Variants in NKAIN1 observed in about 807,000 individuals in gnomAD.
The protein encoded by NKAIN1 is sodium/potassium transporting ATPase interacting 1, also known as sodium/potassium-transporting ATPase subunit beta-1-interacting protein 1.
In NKAIN1, 13 loss-of-function variants were observed where a neutral mutation model predicts 31.6. The observed-to-expected ratio is 0.41, with a 90% CI of 0.27 to 0.65. The LOEUF (loss-of-function observed/expected upper bound fraction) is 0.65, where lower values mean the gene tolerates loss of function less well. NKAIN1 is among the 30% of genes least tolerant of loss of function. NKAIN1 has a pLI of 0.30. For missense variants in NKAIN1, 193 were observed against 262.2 expected (o/e 0.74, Z 1.82); for synonymous variants, 104 against 109.0 (o/e 0.95, Z 0.28).
At chr1:31,200,393 A>T (rs1450909364) in intron 1 of NKAIN1, among the ~76,000 whole-genome samples, 1 of 152,002 alleles carries the variant, frequency 6.6e-6, no homozygotes, top group Non-Finnish European at 1.5e-5. Flanking sequence ...TTTGAATCTT[A>T]ACTATATGCA....
intron 1 of NKAIN1, among the ~76,000 whole-genome samples, chr1:31,203,634 G>A (rs1165197989): frequency 6.7e-6 from 1 of 150,250 alleles, no homozygotes; most frequent in African/African-American, 2.5e-5. Flanking sequence ...ACCCAGGCTG[G>A]AGTGCAGTGG....
intron 1 of NKAIN1, among the ~76,000 whole-genome samples, chr1:31,210,020 G>A (rs2148358776): frequency 6.6e-6 from 1 of 150,878 alleles, no homozygotes; most frequent in Non-Finnish European, 1.5e-5. Context: ...AGAATGAAGA[G>A]GACTCACAAT....
At chr1:31,198,522 C>T (rs1043476430) in intron 1 of NKAIN1, among the ~76,000 whole-genome samples, 3 of 151,918 alleles carry the variant, frequency 2.0e-5, no homozygotes, top group Admixed American at 1.3e-4. Context: ...CCACTCGCCG[C>T]AGCCCATCCT....
intron 3 of NKAIN1, 50 bp from the exon 4 acceptor site, chr1:31,184,064 G>A: frequency 1.3e-6 from 2 of 1,519,634 alleles, no homozygotes; most frequent in Non-Finnish European, 9.0e-7. Flanking sequence ...AGGGAGGGGG[G>A]AGCTACTCCC....
intron 1 of NKAIN1, among the ~76,000 whole-genome samples, chr1:31,198,701 T>A (rs1289824528): frequency 6.6e-6 from 1 of 151,900 alleles, no homozygotes; most frequent in Non-Finnish European, 1.5e-5. Flanking sequence ...CTGCTGCCCT[T>A]CCCCCTGCCC....
chr1:31,232,084 T>C (rs1307969550), intron 1 of NKAIN1, among the ~76,000 whole-genome samples: 1 of 115,318 alleles, frequency 8.7e-6, no homozygotes, highest in East Asian at 2.9e-4. Flanking sequence ...CAGCTAAGTT[T>C]TTACCTTTTT....
At chr1:31,200,553 G>A (rs1266339268) in intron 1 of NKAIN1, among the ~76,000 whole-genome samples, 2 of 151,112 alleles carry the variant, frequency 1.3e-5, no homozygotes, top group African/African-American at 4.9e-5. Flanking sequence ...AGCCTCCTGG[G>A]ATCAAGTGAT....
At chr1:31,217,353 C>A (rs979971074) in intron 1 of NKAIN1, among the ~76,000 whole-genome samples, 1 of 151,764 alleles carries the variant, frequency 6.6e-6, no homozygotes, top group African/African-American at 2.4e-5. Context: ...TTTGTAGAGA[C>A]GGGGGTCTCA....
In NKAIN1 at chr1:31,202,243, A is replaced by T. The variant is rs113992914; in HGVS notation, c.55-14056T>A. ...TGCAAGCCCCTTCTGGGCAGATCCAACCCACTGCACCTCTGAGCTGGCAAC... is the reference window on the plus strand; with the variant it reads ...TGCAAGCCCCTTCTGGGCAGATCCATCCCACTGCACCTCTGAGCTGGCAAC... On this transcript the variant is annotated intron_variant, in intron 1 of 6. Coordinates refer to ENST00000373736, the MANE Select transcript of NKAIN1 (RefSeq NM_024522.3). 3.3e-5 allele frequency among the ~76,000 whole-genome samples: 5 copies of T among 152,192 alleles called. No homozygotes were observed. The South Asian group carries it at 1.0e-3, about 32-fold the overall frequency.
chr1:31,195,181 G>A (rs1430883023), intron 1 of NKAIN1, among the ~76,000 whole-genome samples: 97 of 143,572 alleles, frequency 6.8e-4, no homozygotes, highest in African/African-American at 2.3e-3. Context: ...GCAGTGGTGC[G>A]ATCTAGGCCC....
At chr1:31,203,893 A>G (rs1467995882) in intron 1 of NKAIN1, among the ~76,000 whole-genome samples, 3 of 152,090 alleles carry the variant, frequency 2.0e-5, no homozygotes, top group Non-Finnish European at 4.4e-5. Context: ...CCTATGAGTA[A>G]TATTTTTATA....
intron 1 of NKAIN1, among the ~76,000 whole-genome samples, chr1:31,218,309 G>A (rs536925811): frequency 3.3e-5 from 5 of 152,040 alleles, no homozygotes; most frequent in East Asian, 1.9e-4. Context: ...TGATCCTCCC[G>A]CCTCAGCCTT....
At position 31,181,295 on chromosome 1, in the gene NKAIN1, G is replaced by T; in HGVS notation, c.*408C>A. On this transcript the variant is annotated 3_prime_UTR_variant, in exon 7 of 7. Coordinates refer to ENST00000373736, the MANE Select transcript of NKAIN1 (RefSeq NM_024522.3). ...GTTCACAGTAGCTTTCCCCAGAGCT[G>T]GTGAGTGAGTGTGGTGGGATGGGAT... 1 of 191,010 alleles carries T rather than the reference G, an allele frequency of 5.2e-6. No homozygotes were observed. The allele number at this position is 191,010 out of a possible 1,614,324, so 11.8% of individuals were successfully genotyped here. A position where few individuals can be genotyped will look rare whatever the true frequency, so the allele number is the denominator to read the frequency against.
chr1:31,188,062 C>T lies in NKAIN1; in HGVS notation c.180G>A (p.Arg60=), dbSNP rs1385137353. Residue 60 remains arginine (R), a synonymous_variant, in exon 2 of 7, where the codon CGG becomes CGA. Transcript: ENST00000373736. The part of the protein sequence containing the change: ...GIFGTVQYRS[R]YLILYAAWLV... ...AGGTGAGCCGTACCAGGATGAGGTACCGGGAGCGGTACTGCACGGTGCCAA... is the reference window on the plus strand; with the variant it reads ...AGGTGAGCCGTACCAGGATGAGGTATCGGGAGCGGTACTGCACGGTGCCAA... 2 of 1,553,296 alleles carry T rather than the reference C, an allele frequency of 1.3e-6. No homozygotes were observed. The highest frequency in any genetic ancestry group is 1.7e-6 in the Non-Finnish European group (2 of 1,148,094).
intron 1 of NKAIN1, among the ~76,000 whole-genome samples, chr1:31,232,935 C>T (rs539792773): frequency 5.0e-4 from 76 of 152,212 alleles, no homozygotes; most frequent in South Asian, 1.0e-3. Flanking sequence ...ACACCTATCT[C>T]ATAGAGTTGT....
intron 1 of NKAIN1, among the ~76,000 whole-genome samples, chr1:31,190,193 T>C (rs1645275001): frequency 6.6e-6 from 1 of 152,108 alleles, no homozygotes; most frequent in African/African-American, 2.4e-5. Flanking sequence ...GAGGTGGAGC[T>C]GATGCTACCA....
rs191634546 is a variant in NKAIN1, at chr1:31,196,324, T to C, written c.55-8137A>G. On this transcript the variant is annotated intron_variant, in intron 1 of 6. Coordinates refer to ENST00000373736, the MANE Select transcript of NKAIN1 (RefSeq NM_024522.3). Reference sequence around the variant, plus strand: ...GTCAGGAGATCGAGACCATCCTGGCTAACATGGTGAAACCCTGTCTCTACT... The same window carrying C: ...GTCAGGAGATCGAGACCATCCTGGCCAACATGGTGAAACCCTGTCTCTACT... Among the ~76,000 whole-genome samples, 83 of 152,016 alleles carry C rather than the reference T, an allele frequency of 5.5e-4. 1 individual carries two copies. The East Asian group carries it at 8.2e-3, about 15-fold the overall frequency.
intron 1 of NKAIN1, among the ~76,000 whole-genome samples, chr1:31,218,016 TTTTCTTTCTTTCTTTCTTTC>T (rs1553163596): frequency 4.9e-4 from 53 of 108,240 alleles, no homozygotes; most frequent in African/African-American, 1.8e-3. Context: ...GCAGCTACCA[TTTTCTTTCTTTCTTTCTTTC>T]TTTCTTTCTT....
chr1:31,202,385 G>A (rs1021905049), intron 1 of NKAIN1, among the ~76,000 whole-genome samples: 6 of 152,166 alleles, frequency 3.9e-5, no homozygotes, highest in Non-Finnish European at 7.4e-5. Flanking sequence ...AAAAAAATCA[G>A]GCCGGGGACC....
Sources: allele counts gnomAD v4.1 joint callset (sites outside exome capture counted in the v4.1 genomes callset), GRCh38; gene constraint gnomAD v4.1.1; transcripts MANE v1.5; gene names NCBI Gene and HGNC (gene_info 2026-07-23, HGNC 2026-07-21).